The following NRG3 variants were observed in gnomAD, a reference collection of about 807,000 sequenced individuals.
NRG3 encodes pro-neuregulin-3, membrane-bound isoform.
Under a neutral mutation model 66.9 loss-of-function variants are expected in NRG3, and 31 were observed. The ratio of observed to expected loss-of-function variants is 0.46; its 90% confidence interval spans 0.35 to 0.63. NRG3 has a LOEUF of 0.63. NRG3 is among the 20% of genes least tolerant of loss of function. The probability of loss-of-function intolerance (pLI) is 0.00; values close to 1 mark genes in which losing one functional copy is unlikely to be tolerated. For missense variants in NRG3, 910 were observed against 878.9 expected, an observed-to-expected ratio of 1.04 and a Z score of -0.45; for synonymous variants, 393 against 359.4, an observed-to-expected ratio of 1.09 and a Z score of -1.06.
At chr10:82,949,352 G>A (rs998554562) in intron 4 of NRG3, among the ~76,000 whole-genome samples, 20 of 151,720 alleles carry the variant, frequency 1.3e-4, no homozygotes, top group South Asian at 8.4e-4. Flanking sequence ...TTAGGTCTTC[G>A]TCTTTTTCGG....
At chr10:81,928,645 A>G (rs1847049740) in intron 1 of NRG3, among the ~76,000 whole-genome samples, 1 of 152,204 alleles carries the variant, frequency 6.6e-6, no homozygotes, top group Admixed American at 6.5e-5. Context: ...GGTACATTCC[A>G]TGCAGTAGCA....
In NRG3 at chr10:82,761,920, T is replaced by C. The variant is rs11594658; in HGVS notation, c.1027+23270T>C. Among the ~76,000 whole-genome samples the C allele has an allele frequency of 7.0e-3, 818 of 116,266 alleles. 4 individuals carry two copies. The highest frequency in any genetic ancestry group is 0.012 in the Admixed American group (140 of 11,356). The allele number at this position is 116,266 out of a possible 152,430, so 76.3% of individuals were successfully genotyped here. The stretch of plus-strand genomic sequence containing the variant: ...CTTCCGTTCTTTCTTCTTTCTTTCT[T>C]TCTCTTTCTTTCTTTCTTTCTTTCT... On this transcript the variant is annotated intron_variant, in intron 3 of 8. Transcript: ENST00000372141.
intron 4 of NRG3, among the ~76,000 whole-genome samples, chr10:82,928,707 A>T (rs1371900713): frequency 1.3e-5 from 2 of 152,140 alleles, no homozygotes; most frequent in South Asian, 4.1e-4. Context: ...GTAGTACAAA[A>T]GCAACCATAG....
chr10:82,501,996 G>T (rs1238845115), intron 2 of NRG3, among the ~76,000 whole-genome samples: 1 of 152,056 alleles, frequency 6.6e-6, no homozygotes, highest in East Asian at 1.9e-4. Context: ...GATTGCTGAA[G>T]GACTGAATCA....
intron 4 of NRG3, among the ~76,000 whole-genome samples, chr10:82,941,148 A>G (rs1283096170): frequency 6.6e-6 from 1 of 151,918 alleles, no homozygotes; most frequent in East Asian, 2.0e-4. Context: ...CAGCTTTCTC[A>G]GGGTTGCTTG....
In NRG3 at chr10:81,946,437, A is replaced by C. The variant is rs966376263; in HGVS notation, c.823+70274A>C. Among the ~76,000 whole-genome samples, 12 of 152,296 alleles carry C rather than the reference A, an allele frequency of 7.9e-5. No homozygotes were observed. The South Asian group carries it at 8.3e-4, about 11-fold the overall frequency. On this transcript the variant is annotated intron_variant, in intron 1 of 8. Transcript: ENST00000372141. ...ATATAGATGGTGGTTTTATTAAGAA[A>C]AAGAAAAATAAAGGCACTCTTATAT...
At chr10:82,536,493 G>T (rs992737693) in intron 2 of NRG3, among the ~76,000 whole-genome samples, 1 of 152,130 alleles carries the variant, frequency 6.6e-6, no homozygotes, top group African/African-American at 2.4e-5. Context: ...ATATGTGGGG[G>T]ATGGGGAATT....
intron 1 of NRG3, chr10:81,889,490 G>A (rs1057444394): frequency 7.9e-5 from 12 of 152,132 alleles, no homozygotes; most frequent in African/African-American, 2.9e-4. Context: ...AGTCACCCAC[G>A]TTTTTCACCC....
At chr10:82,147,355 A>G (rs987228891) in intron 1 of NRG3, among the ~76,000 whole-genome samples, 1 of 152,134 alleles carries the variant, frequency 6.6e-6, no homozygotes, top group African/African-American at 2.4e-5. Context: ...TTAGGTTTGG[A>G]TATGCCTCTG....
In NRG3 at chr10:82,464,237, T is replaced by G. The variant is rs545343101; in HGVS notation, c.953+105369T>G. Among the ~76,000 whole-genome samples the G allele has an allele frequency of 3.3e-5, 5 of 152,208 alleles. No individual in the cohort carries two copies. In the East Asian group the frequency reaches 9.7e-4, roughly 29 times the overall value. ...AATAAGATCCAAGCAGTAGCAAAAA[T>G]ATGAAGACTTAGGCTCAGGAAAATT... On this transcript the variant is annotated intron_variant, in intron 2 of 8. Coordinates refer to ENST00000372141, the MANE Select transcript of NRG3 (RefSeq NM_001010848.4).
chr10:82,398,039 C>A (rs1156452487), intron 2 of NRG3, among the ~76,000 whole-genome samples: 1 of 152,188 alleles, frequency 6.6e-6, no homozygotes, highest in Non-Finnish European at 1.5e-5. Context: ...AGGTTAGACT[C>A]TCTCTGAAAC....
chr10:82,123,099 T>G (rs1052576633), intron 1 of NRG3, among the ~76,000 whole-genome samples: 6 of 152,122 alleles, frequency 3.9e-5, no homozygotes, highest in Admixed American at 6.6e-5. Context: ...ATTTTTACCT[T>G]GGGAAATTAT....
At chr10:82,584,029 C>T (rs1308410806) in intron 2 of NRG3, among the ~76,000 whole-genome samples, 1 of 152,116 alleles carries the variant, frequency 6.6e-6, no homozygotes, top group Non-Finnish European at 1.5e-5. Context: ...AAAAATAAAA[C>T]ATTTAAAGAG....
At chr10:82,940,234 G>C (rs1592031527) in intron 4 of NRG3, among the ~76,000 whole-genome samples, 1 of 152,118 alleles carries the variant, frequency 6.6e-6, no homozygotes, top group African/African-American at 2.4e-5. Flanking sequence ...ACCACAAACT[G>C]GTGGCTCACA....
intron 2 of NRG3, among the ~76,000 whole-genome samples, chr10:82,384,548 C>T (rs2085851475): frequency 6.6e-6 from 1 of 152,150 alleles, no homozygotes; most frequent in African/African-American, 2.4e-5. Context: ...TCTGTTTCTG[C>T]ATTCGTCTGC....
chr10:82,069,054 T>A (rs1222334759), intron 1 of NRG3, among the ~76,000 whole-genome samples: 3 of 152,174 alleles, frequency 2.0e-5, no homozygotes, highest in African/African-American at 2.4e-5. Flanking sequence ...ACAAATTGCT[T>A]CAGAGAATTT....
At chr10:82,707,018 A>AATATATAT (rs10682579) in intron 2 of NRG3, among the ~76,000 whole-genome samples, 8 of 141,314 alleles carry the variant, frequency 5.7e-5, no homozygotes, top group African/African-American at 1.9e-4. Flanking sequence ...AAATAAAATA[A>AATATATAT]ATATATATAT....
chr10:82,078,020 A>G (rs942037499), intron 1 of NRG3, among the ~76,000 whole-genome samples: 4 of 152,194 alleles, frequency 2.6e-5, no homozygotes, highest in African/African-American at 9.7e-5. Flanking sequence ...CCCTTGGGAC[A>G]AGGCATGGTG....
chr10:82,882,095 C>T (rs1021209161), intron 4 of NRG3, among the ~76,000 whole-genome samples: 5 of 152,180 alleles, frequency 3.3e-5, no homozygotes, highest in African/African-American at 1.2e-4. Context: ...TTGTCCATGC[C>T]CGTCTTTTCT....
Sources: gnomAD v4.1 joint callset for allele counts (sites outside exome capture counted in the v4.1 genomes callset) on GRCh38, gnomAD v4.1.1 for gene constraint, MANE v1.5 for transcripts, NCBI Gene and HGNC (gene_info 2026-07-23, HGNC 2026-07-21) for gene names.